Variants in ADAMTS2 observed in about 807,000 individuals in gnomAD.
ADAMTS2 encodes the protein A disintegrin and metalloproteinase with thrombospondin motifs 2.
Under a neutral mutation model 123.0 loss-of-function variants are expected in ADAMTS2, and 50 were observed. The ratio of observed to expected loss-of-function variants is 0.41; its 90% CI spans 0.32 to 0.51. ADAMTS2 has a LOEUF of 0.51. Ranked by LOEUF, ADAMTS2 falls within the 20% of genes least tolerant of loss-of-function variation. The pLI, the probability that ADAMTS2 is intolerant of heterozygous loss-of-function variation, is 0.35. For synonymous variants in ADAMTS2, 678 were observed against 695.4 expected, an observed-to-expected ratio of 0.98 and a Z score of 0.39; for missense variants, 1,494 against 1,705.2, an observed-to-expected ratio of 0.88 and a Z score of 2.18.
At chr5:179,268,889 C>A (rs1410542047) in intron 3 of ADAMTS2, among the ~76,000 whole-genome samples, 1 of 152,240 alleles carries the variant, frequency 6.6e-6, no homozygotes, top group African/African-American at 2.4e-5. Context: ...CCATTCACAT[C>A]CTGTAGCTGG....
rs1320425687 is a variant in ADAMTS2 at position 179,118,050 on chromosome 5, G to T, written c.3178+3611C>A. On this transcript the variant is annotated intron_variant, in intron 21 of 21. Coordinates refer to ENST00000251582, the MANE Select transcript of ADAMTS2 (RefSeq NM_014244.5). This position sits in a 1 kb window ranked among gnomAD's most constrained non-coding sequence, Gnocchi z 4.5. ...TGAGTGAGGGGTGGCAGCCCCAGGTGGGGTCCCCCTTCCACCTGGTCTACA... is the reference window on the plus strand; with the variant it reads ...TGAGTGAGGGGTGGCAGCCCCAGGTTGGGTCCCCCTTCCACCTGGTCTACA... 6.6e-6 allele frequency among the ~76,000 whole-genome samples: 1 copy of T among 152,116 alleles called. No homozygotes were observed. Among genetic ancestry groups the T allele is most frequent in the Non-Finnish European group, 1.5e-5 (1 of 68,014 alleles).
chr5:179,315,126 G>C (rs560784704), intron 2 of ADAMTS2, among the ~76,000 whole-genome samples: 295 of 142,104 alleles, frequency 2.1e-3, no homozygotes, highest in African/African-American at 7.4e-3. Flanking sequence ...TCTCTCTTCT[G>C]TTCCTCCTGG....
At chr5:179,211,150 T>C (rs1229682636) in intron 3 of ADAMTS2, among the ~76,000 whole-genome samples, 1 of 152,370 alleles carries the variant, frequency 6.6e-6, no homozygotes, top group Middle Eastern at 3.4e-3. Context: ...GGCTATTTGC[T>C]GCTCTCCCCT....
At chr5:179,318,923 T>C (rs61052271) in intron 2 of ADAMTS2, among the ~76,000 whole-genome samples, 2,833 of 152,296 alleles carry the variant, frequency 0.019, 73 homozygotes, top group African/African-American at 0.064. Flanking sequence ...TCTTCCACCA[T>C]GCACTCTGGG....
Position 179,223,518 on chromosome 5 carries a change from A to G in ADAMTS2, c.689-15803T>C, listed in dbSNP as rs544281691. ...CTCACATGCACACTCATACGAATGC[A>G]CTCACACACATGCACTCACACTCAC... On this transcript the variant is annotated intron_variant, in intron 3 of 21. Coordinates refer to ENST00000251582, the MANE Select transcript of ADAMTS2 (RefSeq NM_014244.5). 1.4e-3 allele frequency among the ~76,000 whole-genome samples: 199 copies of G among 143,640 alleles called. 1 individual carries two copies. Among genetic ancestry groups the G allele is most frequent in the Middle Eastern group, 3.5e-3 (1 of 282 alleles). 94.2% of individuals were successfully genotyped at this position (143,640 alleles called of 152,430 possible).
At chr5:179,326,429 G>T (rs1757321385) in intron 2 of ADAMTS2, among the ~76,000 whole-genome samples, 2 of 152,016 alleles carry the variant, frequency 1.3e-5, no homozygotes, top group African/African-American at 4.8e-5. Context: ...CACATCCCAG[G>T]CCGGTGATGC....
rs1158289670 is a variant in ADAMTS2, at chr5:179,111,963, A to G, written c.*1904T>C. On this transcript the variant is annotated 3_prime_UTR_variant, in exon 22 of 22. Coordinates refer to ENST00000251582, the MANE Select transcript of ADAMTS2 (RefSeq NM_014244.5). ...TTGGTTCTCCAGGAGACACGGGGAC[A>G]GTGCGCAGCACGTGTGGGATGCGGT... is the stretch of plus-strand genomic sequence containing the variant. 6.6e-6 allele frequency: 1 copy of G among 152,384 alleles called. No individual in the cohort carries two copies. The highest frequency in any genetic ancestry group is 1.5e-5 in the Non-Finnish European group (1 of 68,100). The allele number at this position is 152,384 out of a possible 1,614,324, so 9.4% of individuals were successfully genotyped here.
chr5:179,224,152 G>A (rs1373833092), intron 3 of ADAMTS2, among the ~76,000 whole-genome samples: 1 of 152,222 alleles, frequency 6.6e-6, no homozygotes, highest in African/African-American at 2.4e-5. Context: ...CATTTACAGG[G>A]AGAGCATGAG....
At position 179,181,222 on chromosome 5, in the gene ADAMTS2, G is replaced by T; in HGVS notation, c.892-67C>A. 1 of 1,149,142 alleles carries T rather than the reference G, an allele frequency of 8.7e-7. No homozygotes were observed. The highest frequency in any genetic ancestry group is 1.3e-6 in the Non-Finnish European group (1 of 758,850). 71.2% of individuals were successfully genotyped at this position (1,149,142 alleles called of 1,614,324 possible). On this transcript the variant is annotated intron_variant, in intron 4 of 21. Transcript: ENST00000251582. This position sits in a 1 kb window ranked among gnomAD's most constrained non-coding sequence, Gnocchi z 4.1. ...AGGACTGGCTCTGGCTCTGCCAATG[G>T]GATGACCCCCACCTGCTCCTTCTTC...
At chr5:179,249,230 A>G (rs1765867210) in intron 3 of ADAMTS2, among the ~76,000 whole-genome samples, 1 of 152,128 alleles carries the variant, frequency 6.6e-6, no homozygotes, top group African/African-American at 2.4e-5. Flanking sequence ...CAACATACCC[A>G]AAACTTAAAG....
Position 179,194,284 on chromosome 5 carries a change from C to T in ADAMTS2, c.892-13129G>A, listed in dbSNP as rs77119026. On this transcript the variant is annotated intron_variant, in intron 4 of 21. Coordinates refer to ENST00000251582, the MANE Select transcript of ADAMTS2 (RefSeq NM_014244.5). ...AGACCCCTGTTCGAGTGTTCCCCAC[C>T]TGCTCACCATCACTGGTCTGTCGGC... is the stretch of plus-strand genomic sequence containing the variant. Among the ~76,000 whole-genome samples the T allele has an allele frequency of 4.6e-3, 695 of 152,308 alleles. 8 individuals are homozygous for T. The highest frequency in any genetic ancestry group is 0.016 in the African/African-American group (654 of 41,576).
chr5:179,207,471 A>ACCCCACC, intron 4 of ADAMTS2, 42 bp downstream of exon 4: 5 of 1,026,472 alleles, frequency 4.9e-6, no homozygotes, highest in Non-Finnish European at 6.1e-6. Flanking sequence ...CCCCTGGTTG[A>ACCCCACC]CCCTCCCCGC....
At position 179,312,941 on chromosome 5, in the gene ADAMTS2, A is replaced by G. The variant is rs1756872660; in HGVS notation, c.534+30826T>C. On this transcript the variant is annotated intron_variant, in intron 2 of 21. Transcript: ENST00000251582. This position sits in a 1 kb window ranked among gnomAD's most constrained non-coding sequence, Gnocchi z 4.2. Reference sequence around the variant, plus strand: ...GCCTCAGAAACCAATACAATGGGGAACTCTGATATGGACTAAAAGTGGTGA... The same window carrying G: ...GCCTCAGAAACCAATACAATGGGGAGCTCTGATATGGACTAAAAGTGGTGA... Among the ~76,000 whole-genome samples, 1 of 152,242 alleles carries G rather than the reference A, an allele frequency of 6.6e-6. No individual in the cohort carries two copies. Among genetic ancestry groups the G allele is most frequent in the African/African-American group, 2.4e-5 (1 of 41,466 alleles).
In ADAMTS2 at chr5:179,132,323, T is replaced by C. The variant is rs1418051403; in HGVS notation, c.2210-13A>G. The C allele has an allele frequency of 6.2e-7, 1 of 1,613,386 alleles. No individual in the cohort carries two copies. The highest frequency in any genetic ancestry group is 8.5e-7 in the Non-Finnish European group (1 of 1,179,452). On this transcript the variant is annotated splice_polypyrimidine_tract_variant and intron_variant, in intron 14 of 21. Transcript: ENST00000251582. This position sits in a 1 kb window ranked among gnomAD's most constrained non-coding sequence, Gnocchi z 6.1. ...ATCTTGATGTAACCTTTTTTTGATG[T>C]GGAAAGACACAGAAAACTGAGAAGG...
intron 4 of ADAMTS2, among the ~76,000 whole-genome samples, chr5:179,206,714 C>G (rs531407391): frequency 6.6e-6 from 1 of 152,344 alleles, no homozygotes; most frequent in Admixed American, 6.5e-5. Flanking sequence ...CTCATCCCCA[C>G]AGTGGCTCTG....
rs1187301459 is a variant in ADAMTS2 at position 179,217,791 on chromosome 5, C to CCTGAGG, written c.689-10077_689-10076insCCTCAG. Among the ~76,000 whole-genome samples the CCTGAGG allele has an allele frequency of 4.9e-4, 43 of 87,456 alleles. 3 individuals are homozygous for CCTGAGG. The highest frequency in any genetic ancestry group is 1.3e-3 in the African/African-American group (34 of 26,086). 57.4% of individuals were successfully genotyped at this position (87,456 alleles called of 152,430 possible). A position where few individuals can be genotyped will look rare whatever the true frequency, so the allele number is the denominator to read the frequency against. ...GATGGGCACACTCACTAGGGGATGG[C>CCTGAGG]GCAAGGGGGGGATGGGCACACTCAC... On this transcript the variant is annotated intron_variant, in intron 3 of 21. Coordinates refer to ENST00000251582, the MANE Select transcript of ADAMTS2 (RefSeq NM_014244.5).
Position 179,132,292 on chromosome 5 carries a change from T to A in ADAMTS2, c.2228A>T (p.Glu743Val). 1 of 1,614,190 alleles carries A rather than the reference T, an allele frequency of 6.2e-7. No homozygotes were observed. The highest frequency in any genetic ancestry group is 8.5e-7 in the Non-Finnish European group (1 of 1,180,018). ...CAGGTGTCTGGCTCCTGCAGGGATC[T>A]CAAACATCTTGATGTAACCTTTTTT... ...PKKHGYIKMF[E>V]IPAGARHLLI... is the part of the protein sequence containing the mutation. The change falls in exon 15 of 22, where the codon GAG becomes GTG. Residue 743 changes from glutamate (E) to valine (V), a missense_variant. Physicochemically the swap from Glu to Val is moderately radical, Grantham distance 121. Transcript: ENST00000251582. The surrounding 1 kb of genome is among the most constrained non-coding windows in gnomAD (Gnocchi z 6.1).
intron 13 of ADAMTS2, among the ~76,000 whole-genome samples, chr5:179,134,837 C>CT (rs2113210931): frequency 1.0e-5 from 1 of 96,076 alleles, no homozygotes; most frequent in African/African-American, 4.4e-5. Flanking sequence ...CCGGCTCCAG[C>CT]CCCCAGCTCC....
chr5:179,310,928 C>T (rs764393854), intron 2 of ADAMTS2, among the ~76,000 whole-genome samples: 3 of 152,130 alleles, frequency 2.0e-5, no homozygotes, highest in South Asian at 4.1e-4. Flanking sequence ...GGTGCCCAAC[C>T]CCACCTGCCC....
Sources: gnomAD v4.1 joint callset for allele counts (sites outside exome capture counted in the v4.1 genomes callset) on GRCh38, gnomAD v4.1.1 for gene constraint, Gnocchi (gnomAD v3.1) non-coding constraint, MANE v1.5 for transcripts, NCBI Gene and HGNC (gene_info 2026-07-23, HGNC 2026-07-21) for gene names.